The following CSNK1G1 variants were observed in gnomAD, a reference collection of about 807,000 sequenced individuals.
The protein encoded by CSNK1G1 is casein kinase I isoform gamma-1.
A neutral mutation model predicts 59.6 loss-of-function variants in CSNK1G1; 22 were observed. That is an observed-to-expected ratio of 0.37 (90% CI 0.26 to 0.53). CSNK1G1 has a LOEUF of 0.53. Ranked by LOEUF, CSNK1G1 falls within the 20% of genes least tolerant of loss-of-function variation. CSNK1G1 has a pLI of 0.89. For missense variants in CSNK1G1, 384 were observed against 519.5 expected (o/e 0.74, Z 2.54); for synonymous variants, 179 against 177.1 (o/e 1.01, Z -0.08).
chr15:64,258,240 T>A (rs1036124451), intron 3 of CSNK1G1, among the ~76,000 whole-genome samples: 2 of 151,810 alleles, frequency 1.3e-5, no homozygotes, highest in African/African-American at 4.8e-5. Context: ...TAGCCAGGTG[T>A]GGTGGCATGT....
chr15:64,235,670 C>A (rs140427207), intron 4 of CSNK1G1, among the ~76,000 whole-genome samples: 1 of 152,078 alleles, frequency 6.6e-6, no homozygotes, highest in Non-Finnish European at 1.5e-5. Context: ...GATTATCTTC[C>A]CCGCAAGGTA....
At chr15:64,172,558 G>C (rs1457032576) in intron 11 of CSNK1G1, among the ~76,000 whole-genome samples, 1 of 152,160 alleles carries the variant, frequency 6.6e-6, no homozygotes, top group Non-Finnish European at 1.5e-5. Flanking sequence ...AGGCAGGAGA[G>C]GCCCTGACTC....
intron 1 of CSNK1G1, among the ~76,000 whole-genome samples, chr15:64,332,697 A>T (rs947049304): frequency 1.6e-4 from 24 of 151,678 alleles, no homozygotes; most frequent in Admixed American, 3.3e-4. Flanking sequence ...AAAATAAAAT[A>T]AAAAAACCCA....
chr15:64,283,317 AT>A (rs1894243341), intron 2 of CSNK1G1, among the ~76,000 whole-genome samples: 1 of 151,110 alleles, frequency 6.6e-6, no homozygotes, highest in Admixed American at 6.6e-5. Context: ...TTTTTCTCCC[AT>A]TATGTAGACT....
At chr15:64,335,276 TC>T (rs1480292966) in intron 1 of CSNK1G1, among the ~76,000 whole-genome samples, 2 of 152,176 alleles carry the variant, frequency 1.3e-5, no homozygotes, top group Non-Finnish European at 2.9e-5. Context: ...TGGCTTTCCT[TC>T]CCTACTCAAG....
rs185909857 is a variant in CSNK1G1 at position 64,293,041 on chromosome 15, A to G, written c.181+7278T>C. On this transcript the variant is annotated intron_variant, in intron 2 of 11. Coordinates refer to ENST00000303052, the MANE Select transcript of CSNK1G1 (RefSeq NM_022048.5). Reference sequence around the variant, plus strand: ...ATTTTCTTAACTCTAGAGGAAAATAATTTTATTTTAATGTTTACATGATTC... The same window carrying G: ...ATTTTCTTAACTCTAGAGGAAAATAGTTTTATTTTAATGTTTACATGATTC... Among the ~76,000 whole-genome samples, 276 of 152,314 alleles carry G rather than the reference A, an allele frequency of 1.8e-3. 4 individuals are homozygous for G. Among genetic ancestry groups the G allele is most frequent in the Non-Finnish European group, 3.2e-4 (22 of 68,030 alleles).
chr15:64,282,825 T>C (rs1347527911), intron 2 of CSNK1G1, among the ~76,000 whole-genome samples: 1 of 152,192 alleles, frequency 6.6e-6, no homozygotes, highest in Admixed American at 6.5e-5. Context: ...CCAACAATTG[T>C]TATCTGATTC....
intron 4 of CSNK1G1, among the ~76,000 whole-genome samples, chr15:64,217,231 C>G (rs1472173807): frequency 6.6e-6 from 1 of 152,180 alleles, no homozygotes; most frequent in Non-Finnish European, 1.5e-5. Flanking sequence ...CAGGCCAGCA[C>G]AACTGGCCCT....
At chr15:64,308,624 C>T (rs1895819069) in intron 1 of CSNK1G1, among the ~76,000 whole-genome samples, 1 of 152,084 alleles carries the variant, frequency 6.6e-6, no homozygotes, top group African/African-American at 2.4e-5. Context: ...TGGCCAGGCG[C>T]GGTGGCTCAC....
intron 2 of CSNK1G1, among the ~76,000 whole-genome samples, chr15:64,295,016 G>C (rs1284610926): frequency 6.6e-6 from 1 of 151,836 alleles, no homozygotes; most frequent in Admixed American, 6.6e-5. Flanking sequence ...TAGATCACAA[G>C]GTCAGGAGAT....
At chr15:64,209,919 C>T (rs780730184) in intron 6 of CSNK1G1, among the ~76,000 whole-genome samples, 6 of 151,828 alleles carry the variant, frequency 4.0e-5, no homozygotes, top group Non-Finnish European at 7.4e-5. Flanking sequence ...CACTAGAGGG[C>T]GAAAACTCTC....
In CSNK1G1 at chr15:64,356,043, G is replaced by T. The variant is rs1898657687; in HGVS notation, c.-280C>A. The T allele has an allele frequency of 6.6e-6, 1 of 152,250 alleles. No individual in the cohort carries two copies. Among genetic ancestry groups the T allele is most frequent in the South Asian group, 2.1e-4 (1 of 4,840 alleles). 9.4% of individuals were successfully genotyped at this position (152,250 alleles called of 1,614,324 possible). On this transcript the variant is annotated 5_prime_UTR_variant, in exon 1 of 12. Coordinates refer to ENST00000303052, the MANE Select transcript of CSNK1G1 (RefSeq NM_022048.5). Reference sequence around the variant, plus strand: ...AGGCGGGCGCGGTCCCCTCCCCGAGGCGCCAAGTGCTTCTCTACCCACCCG... The same window carrying T: ...AGGCGGGCGCGGTCCCCTCCCCGAGTCGCCAAGTGCTTCTCTACCCACCCG...
intron 1 of CSNK1G1, among the ~76,000 whole-genome samples, chr15:64,317,619 G>T (rs1896344729): frequency 6.6e-6 from 1 of 151,392 alleles, no homozygotes; most frequent in Non-Finnish European, 1.5e-5. Flanking sequence ...GGCCAGGATG[G>T]CCCAGGATGG....
chr15:64,281,948 T>C (rs1894164252), intron 2 of CSNK1G1, among the ~76,000 whole-genome samples: 1 of 151,246 alleles, frequency 6.6e-6, no homozygotes, highest in Non-Finnish European at 1.5e-5. Flanking sequence ...TTAAACACAG[T>C]GTCTATTCTG....
chr15:64,259,519 CACACAT>C (rs1302147501), intron 2 of CSNK1G1, among the ~76,000 whole-genome samples: 2 of 148,862 alleles, frequency 1.3e-5, no homozygotes, highest in Non-Finnish European at 3.0e-5. Context: ...CACACACACA[CACACAT>C]GCATGCATAT....
At chr15:64,264,793 A>G (rs1262582970) in intron 2 of CSNK1G1, among the ~76,000 whole-genome samples, 3 of 152,230 alleles carry the variant, frequency 2.0e-5, no homozygotes, top group African/African-American at 7.2e-5. Context: ...CTCAACAGAC[A>G]CAGAAAAGAC....
In CSNK1G1 at chr15:64,188,989, G is replaced by C. The variant is rs1351203863; in HGVS notation, c.1108-8535C>G. Among the ~76,000 whole-genome samples the C allele has an allele frequency of 6.6e-6, 1 of 152,144 alleles. No homozygotes were observed. The highest frequency in any genetic ancestry group is 2.4e-5 in the African/African-American group (1 of 41,416). Reference sequence around the variant, plus strand: ...AAAATTACAAAAATGAGCTGGGCATGGTGGCGCACACCTGTGATCCCAGCT... The same window carrying C: ...AAAATTACAAAAATGAGCTGGGCATCGTGGCGCACACCTGTGATCCCAGCT... On this transcript the variant is annotated intron_variant, in intron 10 of 11. Transcript: ENST00000303052. This position sits in a 1 kb window ranked among gnomAD's most constrained non-coding sequence, Gnocchi z 4.2.
intron 2 of CSNK1G1, among the ~76,000 whole-genome samples, chr15:64,277,564 T>G (rs970758986): frequency 7.6e-6 from 1 of 132,260 alleles, no homozygotes; most frequent in Admixed American, 7.9e-5. Flanking sequence ...ATAATAAAAT[T>G]TAATATAATA....
At chr15:64,182,592 T>A (rs528334261) in intron 10 of CSNK1G1, among the ~76,000 whole-genome samples, 2 of 152,318 alleles carry the variant, frequency 1.3e-5, no homozygotes, top group African/African-American at 4.8e-5. Context: ...ATATTAGATA[T>A]TATGAAATTA....
Sources: gnomAD v4.1 joint callset for allele counts (sites outside exome capture counted in the v4.1 genomes callset) on GRCh38, gnomAD v4.1.1 for gene constraint, Gnocchi (gnomAD v3.1) non-coding constraint, MANE v1.5 for transcripts, NCBI Gene and HGNC (gene_info 2026-07-23, HGNC 2026-07-21) for gene names.